PGM1: variants seen among roughly 807,000 people sequenced by gnomAD.
PGM1 encodes the protein phosphoglucomutase 1.
Under a neutral mutation model 55.6 loss-of-function variants are expected in PGM1, and 52 were observed. That is an observed-to-expected ratio of 0.94 (90% CI 0.75 to 1.18). The LOEUF (loss-of-function observed/expected upper bound fraction) is 1.18, where lower values mean the gene tolerates loss of function less well. PGM1 is among the 50% of genes most tolerant of loss of function. The probability of loss-of-function intolerance (pLI) is 0.00; values close to 1 mark genes in which losing one functional copy is unlikely to be tolerated. For synonymous variants in PGM1, 287 were observed against 271.7 expected (o/e 1.06, Z -0.55); for missense variants, 724 against 729.3 (o/e 0.99, Z 0.08).
intron 1 of PGM1, among the ~76,000 whole-genome samples, chr1:63,606,862 G>A (rs1482770366): frequency 6.6e-6 from 1 of 152,184 alleles, no homozygotes; most frequent in Non-Finnish European, 1.5e-5. Flanking sequence ...TATATGGGCA[G>A]CTAGATTTTT....
intron 7 of PGM1, among the ~76,000 whole-genome samples, chr1:63,641,813 C>T (rs529876287): frequency 6.6e-6 from 1 of 152,292 alleles, no homozygotes; most frequent in African/African-American, 2.4e-5. Flanking sequence ...GTCCCTCGAG[C>T]CTCCCGTAGA....
At chr1:63,595,431 T>C (rs1347856888) in intron 1 of PGM1, among the ~76,000 whole-genome samples, 1 of 152,236 alleles carries the variant, frequency 6.6e-6, no homozygotes, top group Non-Finnish European at 1.5e-5. Context: ...AAGATCTGTT[T>C]TCCAGGCTCC....
chr1:63,636,830 A>G (rs1649377631), intron 6 of PGM1, among the ~76,000 whole-genome samples: 1 of 152,240 alleles, frequency 6.6e-6, no homozygotes, highest in Non-Finnish European at 1.5e-5. Context: ...TCAAGACATC[A>G]TTCTGGAGGA....
chr1:63,593,796 G>A (rs1421087685), intron 1 of PGM1, 62 bp downstream of exon 1: 4 of 1,486,098 alleles, frequency 2.7e-6, no homozygotes, highest in East Asian at 2.7e-5. Flanking sequence ...TGCGGCCCGC[G>A]GCGCCCTCCC....
chr1:63,646,737 C>G (rs1050988206), intron 7 of PGM1, among the ~76,000 whole-genome samples: 1 of 152,124 alleles, frequency 6.6e-6, no homozygotes, highest in Non-Finnish European at 1.5e-5. Flanking sequence ...AAGCAAGTAG[C>G]AGTTTCTCAT....
chr1:63,648,491 AC>A, intron 7 of PGM1, 25 bp from the exon 8 acceptor site: 1 of 1,613,930 alleles, frequency 6.2e-7, no homozygotes, highest in South Asian at 1.1e-5. Flanking sequence ...CACGTTTCTT[AC>A]AGCAGCTTGC....
At chr1:63,650,246 G>A (rs963537871) in intron 8 of PGM1, among the ~76,000 whole-genome samples, 67 of 152,262 alleles carry the variant, frequency 4.4e-4, no homozygotes, top group Non-Finnish European at 2.5e-4. Context: ...TATTGATAAG[G>A]TAGCTGAGAT....
At chr1:63,593,898 G>A in intron 1 of PGM1, 164 bp downstream of exon 1, 1 of 1,254,494 alleles carries the variant, frequency 8.0e-7, no homozygotes, top group Non-Finnish European at 1.0e-6. Context: ...TGGCCTGGAG[G>A]CCCGACGGAG....
chr1:63,649,292 G>A (rs1037752139), intron 8 of PGM1, among the ~76,000 whole-genome samples: 4 of 152,122 alleles, frequency 2.6e-5, no homozygotes, highest in Non-Finnish European at 5.9e-5. Context: ...GAATTCAGCA[G>A]TGAACAAAAT....
In PGM1 at chr1:63,624,211, T is replaced by C. The variant is rs186580149; in HGVS notation, c.247-5214T>C. 1.4e-3 allele frequency among the ~76,000 whole-genome samples: 217 copies of C among 152,200 alleles called. 2 individuals carry two copies. The highest frequency in any genetic ancestry group is 4.0e-4 in the Non-Finnish European group (27 of 68,016). On this transcript the variant is annotated intron_variant, in intron 1 of 10. Transcript: ENST00000371084. Reference sequence around the variant, plus strand: ...AAACAGGAAAACAAAAGCCAGGGCATGCTGTTGTTTATGGATCCTGGTAGT... The same window carrying C: ...AAACAGGAAAACAAAAGCCAGGGCACGCTGTTGTTTATGGATCCTGGTAGT...
At chr1:63,619,433 T>A (rs540051040) in intron 1 of PGM1, among the ~76,000 whole-genome samples, 2 of 152,326 alleles carry the variant, frequency 1.3e-5, no homozygotes, top group African/African-American at 4.8e-5. Flanking sequence ...TGTAGAAAGC[T>A]GGCAGAGGAA....
At chr1:63,632,479 CT>C (rs1199934142) in intron 4 of PGM1, among the ~76,000 whole-genome samples, 4 of 152,212 alleles carry the variant, frequency 2.6e-5, no homozygotes, top group Non-Finnish European at 4.4e-5. Flanking sequence ...AGAAAGTCTT[CT>C]GCTGGTGAAC....
At chr1:63,629,674 G>T in intron 2 of PGM1, 87 bp downstream of exon 2, 2 of 1,370,318 alleles carry the variant, frequency 1.5e-6, no homozygotes, top group Non-Finnish European at 2.1e-6. Flanking sequence ...CAGGGTTTTG[G>T]TTCTGATCCT....
At chr1:63,626,528 G>A (rs1053364019) in intron 1 of PGM1, among the ~76,000 whole-genome samples, 3 of 151,820 alleles carry the variant, frequency 2.0e-5, no homozygotes, top group Non-Finnish European at 2.9e-5. Flanking sequence ...AGCCTTATCC[G>A]GGCTGTAGAA....
chr1:63,642,912 A>C (rs1649555144), intron 7 of PGM1, among the ~76,000 whole-genome samples: 1 of 152,162 alleles, frequency 6.6e-6, no homozygotes, highest in South Asian at 2.1e-4. Flanking sequence ...TTTATCCTGG[A>C]TACTGAGTTA....
intron 1 of PGM1, 99 bp downstream of exon 1, chr1:63,593,833 G>C (rs1280710227): frequency 3.8e-6 from 5 of 1,313,578 alleles, no homozygotes; most frequent in Non-Finnish European, 4.8e-6. Context: ...GCTTCCGCGC[G>C]CTGCCGCCTC....
At chr1:63,607,764 G>A (rs531263345) in intron 1 of PGM1, among the ~76,000 whole-genome samples, 27 of 152,268 alleles carry the variant, frequency 1.8e-4, no homozygotes, top group African/African-American at 6.0e-4. Context: ...CCAGTGATGC[G>A]TGTAGTGCTC....
intron 3 of PGM1, among the ~76,000 whole-genome samples, chr1:63,631,112 T>A (rs903928560): frequency 6.6e-6 from 1 of 152,190 alleles, no homozygotes; most frequent in Non-Finnish European, 1.5e-5. Context: ...TAAGTTCTTA[T>A]ATTTATATAA....
intron 7 of PGM1, among the ~76,000 whole-genome samples, chr1:63,644,682 G>T (rs75855138): frequency 0.014 from 2,137 of 152,062 alleles, 55 homozygotes; most frequent in African/African-American, 0.049. Context: ...TTGCTTTTTC[G>T]TAGTAATTTC....
Sources: gnomAD v4.1 joint callset for allele counts (sites outside exome capture counted in the v4.1 genomes callset) on GRCh38, gnomAD v4.1.1 for gene constraint, MANE v1.5 for transcripts, NCBI Gene and HGNC (gene_info 2026-07-23, HGNC 2026-07-21) for gene names.